The following CDK14 variants were observed in gnomAD, a reference collection of about 807,000 sequenced individuals.
CDK14 encodes the protein cyclin-dependent kinase 14.
CDK14 carries 34 observed loss-of-function variants against 60.7 expected under a neutral mutation model. The observed-to-expected ratio is 0.56, with a 90% CI of 0.43 to 0.75. The LOEUF (loss-of-function observed/expected upper bound fraction) is 0.75, where lower values mean the gene tolerates loss of function less well. Ranked by LOEUF, CDK14 falls within the 30% of genes least tolerant of loss-of-function variation. The pLI is 0.00. For synonymous variants in CDK14, 197 were observed against 203.7 expected (o/e 0.97, Z 0.28); for missense variants, 482 against 564.1 (o/e 0.85, Z 1.47).
intron 7 of CDK14, among the ~76,000 whole-genome samples, chr7:90,916,023 T>TAA (rs1793068322): frequency 6.6e-6 from 1 of 152,250 alleles, no homozygotes; most frequent in Non-Finnish European, 1.5e-5. Context: ...CAACTTATTT[T>TAA]TAAAATTAAG....
intron 4 of CDK14, among the ~76,000 whole-genome samples, chr7:90,777,164 A>G (rs1271651530): frequency 6.6e-6 from 1 of 152,146 alleles, no homozygotes; most frequent in African/African-American, 2.4e-5. Flanking sequence ...GTTCTGGTAG[A>G]TAAGAGGATC....
At position 90,886,915 on chromosome 7, in the gene CDK14, T is replaced by TA. The variant is rs202209591; in HGVS notation, c.640-12369dup. ...TCCATGGATTGAGCAAAGCTAGTAG[T>TA]AAAAAAAGAAGAAAAAGAGTGATGA... On this transcript the variant is annotated intron_variant, in intron 6 of 14. Transcript: ENST00000380050. Among the ~76,000 whole-genome samples the TA allele has an allele frequency of 8.2e-3, 1,251 of 152,192 alleles. 22 individuals are homozygous for TA. The highest frequency in any genetic ancestry group is 0.029 in the African/African-American group (1,207 of 41,518).
intron 11 of CDK14, among the ~76,000 whole-genome samples, chr7:91,056,582 C>T (rs1345240980): frequency 1.5e-4 from 22 of 150,870 alleles, no homozygotes; most frequent in African/African-American, 3.9e-4. Context: ...CAACAGGCCC[C>T]GGCGTGTGAT....
intron 5 of CDK14, among the ~76,000 whole-genome samples, chr7:90,820,579 C>T (rs1185087357): frequency 2.0e-5 from 3 of 152,186 alleles, no homozygotes; most frequent in Non-Finnish European, 4.4e-5. Context: ...TTCCTGAGGC[C>T]TCCCCAGCCA....
chr7:90,971,003 A>G (rs903459360), intron 9 of CDK14, among the ~76,000 whole-genome samples: 3 of 152,098 alleles, frequency 2.0e-5, no homozygotes, highest in African/African-American at 7.2e-5. Flanking sequence ...ATATGTATAC[A>G]TGTGCCATGT....
chr7:91,057,337 T>A (rs1325568686), intron 11 of CDK14, among the ~76,000 whole-genome samples: 1 of 152,188 alleles, frequency 6.6e-6, no homozygotes, highest in African/African-American at 2.4e-5. Flanking sequence ...TGCAAAAATT[T>A]TCTCCGATGC....
chr7:91,202,415 A>G (rs1446531449), intron 14 of CDK14, among the ~76,000 whole-genome samples: 1 of 152,234 alleles, frequency 6.6e-6, no homozygotes, highest in Non-Finnish European at 1.5e-5. Flanking sequence ...GGCTATGCAC[A>G]TAGTTGAGCT....
chr7:90,929,052 T>C (rs1354914491), intron 8 of CDK14, among the ~76,000 whole-genome samples: 1 of 152,212 alleles, frequency 6.6e-6, no homozygotes, highest in Non-Finnish European at 1.5e-5. Context: ...TGGTGTGCCG[T>C]TTGCTAATTC....
At chr7:90,648,451 G>C (rs1312684824) in intron 2 of CDK14, among the ~76,000 whole-genome samples, 1 of 152,118 alleles carries the variant, frequency 6.6e-6, no homozygotes, top group Admixed American at 6.5e-5. Context: ...TGCAGGTGCA[G>C]TATCCACACA....
chr7:90,825,078 T>A (rs1004060136), intron 5 of CDK14, among the ~76,000 whole-genome samples: 7 of 152,208 alleles, frequency 4.6e-5, no homozygotes, highest in Admixed American at 2.6e-4. Flanking sequence ...CAATTCAGGA[T>A]TCATGGACAA....
intron 14 of CDK14, among the ~76,000 whole-genome samples, chr7:91,139,467 C>T (rs1303513234): frequency 1.3e-5 from 2 of 152,178 alleles, no homozygotes; most frequent in African/African-American, 4.8e-5. Context: ...GTCACTGCTC[C>T]TCAGATCCCC....
chr7:91,131,714 A>G (rs1800123840), intron 14 of CDK14, among the ~76,000 whole-genome samples: 1 of 152,132 alleles, frequency 6.6e-6, no homozygotes, highest in African/African-American at 2.4e-5. Flanking sequence ...TATATTTTGT[A>G]AACATGAATA....
chr7:90,675,442 CT>C (rs1801181052), intron 2 of CDK14, among the ~76,000 whole-genome samples: 1 of 151,680 alleles, frequency 6.6e-6, no homozygotes, highest in African/African-American at 2.4e-5. Context: ...TCATGTAGAG[CT>C]TTTTTTCTTG....
chr7:90,612,155 C>T (rs1051972761), intron 2 of CDK14, among the ~76,000 whole-genome samples: 13 of 152,070 alleles, frequency 8.5e-5, no homozygotes, highest in African/African-American at 4.8e-5. Flanking sequence ...CTTTTATTTT[C>T]GTGACTTCAT....
At chr7:90,776,410 C>T (rs956783367) in intron 4 of CDK14, among the ~76,000 whole-genome samples, 2 of 152,098 alleles carry the variant, frequency 1.3e-5, no homozygotes, top group African/African-American at 4.8e-5. Context: ...CCTAAAACTC[C>T]AGAAGGTTAA....
At position 90,843,461 on chromosome 7, in the gene CDK14, A is replaced by T. The variant is rs143453308; in HGVS notation, c.545-19714A>T. Reference sequence around the variant, plus strand: ...TAGCTGTGTCCATCTCAGTAGGTTAACCTTGTATATGTGAGATATATTAGT... The same window carrying T: ...TAGCTGTGTCCATCTCAGTAGGTTATCCTTGTATATGTGAGATATATTAGT... On this transcript the variant is annotated intron_variant, in intron 5 of 14. Coordinates refer to ENST00000380050, the MANE Select transcript of CDK14 (RefSeq NM_001287135.2). Among the ~76,000 whole-genome samples the T allele has an allele frequency of 3.7e-3, 562 of 152,316 alleles. 6 individuals carry two copies. The highest frequency in any genetic ancestry group is 0.027 in the Middle Eastern group (8 of 294).
At chr7:90,597,991 T>G (rs1799230839) in intron 1 of CDK14, among the ~76,000 whole-genome samples, 1 of 152,222 alleles carries the variant, frequency 6.6e-6, no homozygotes, top group African/African-American at 2.4e-5. Flanking sequence ...GGGATACATG[T>G]GGAGAGTCCC....
chr7:90,652,347 A>G (rs1800661909), intron 2 of CDK14, among the ~76,000 whole-genome samples: 1 of 152,238 alleles, frequency 6.6e-6, no homozygotes, highest in South Asian at 2.1e-4. Flanking sequence ...GACCAGAGGA[A>G]AATAGCTACT....
chr7:90,710,636 T>C, intron 2 of CDK14: 1 of 783,756 alleles, frequency 1.3e-6, no homozygotes, highest in Non-Finnish European at 1.5e-6. Context: ...TAATTCTTCG[T>C]GCAGTTCTGC....
Sources: gnomAD v4.1 joint callset for allele counts (sites outside exome capture counted in the v4.1 genomes callset) on GRCh38, gnomAD v4.1.1 for gene constraint, MANE v1.5 for transcripts, NCBI Gene and HGNC (gene_info 2026-07-23, HGNC 2026-07-21) for gene names.